The following NDFIP2 variants were observed in gnomAD, a reference collection of about 807,000 sequenced individuals.
The protein encoded by NDFIP2 is NEDD4 family-interacting protein 2.
In NDFIP2, 19 loss-of-function variants were observed where a neutral mutation model predicts 36.0. The ratio of observed to expected loss-of-function variants is 0.53; its 90% CI spans 0.37 to 0.77. The LOEUF (loss-of-function observed/expected upper bound fraction) is 0.77, where lower values mean the gene tolerates loss of function less well. Ranked by LOEUF, NDFIP2 falls within the 30% of genes least tolerant of loss-of-function variation. The pLI, the probability that NDFIP2 is intolerant of heterozygous loss-of-function variation, is 0.00. For missense variants in NDFIP2, 446 were observed against 435.8 expected (o/e 1.02, Z -0.21); for synonymous variants, 181 against 167.7 (o/e 1.08, Z -0.61).
At chr13:79,488,722 A>T (rs924534192) in intron 1 of NDFIP2, among the ~76,000 whole-genome samples, 1 of 152,196 alleles carries the variant, frequency 6.6e-6, no homozygotes. Context: ...GTGTTGGTTA[A>T]TAAGACAGTT....
chr13:79,554,615 CTCA>C lies in NDFIP2; in HGVS notation c.*2107_*2109del, dbSNP rs1876037607. On this transcript the variant is annotated 3_prime_UTR_variant, in exon 8 of 8. Transcript: ENST00000218652. ...GCATAATTCAATGGTAGCCTTAAAT[CTCA>C]TCATGTAAGCAGGGGAATCAGAATG... is the stretch of plus-strand genomic sequence containing the variant. The C allele has an allele frequency of 6.6e-6, 1 of 151,804 alleles. No homozygotes were observed. Among genetic ancestry groups the C allele is most frequent in the Non-Finnish European group, 1.5e-5 (1 of 67,794 alleles). The allele number at this position is 151,804 out of a possible 1,614,324, so 9.4% of individuals were successfully genotyped here.
chr13:79,496,711 T>C (rs1393519220), intron 1 of NDFIP2, among the ~76,000 whole-genome samples: 1 of 152,060 alleles, frequency 6.6e-6, no homozygotes, highest in Non-Finnish European at 1.5e-5. Context: ...ACTGTGGCTC[T>C]GTTGTATTAC....
At chr13:79,513,095 C>G (rs566018796) in intron 1 of NDFIP2, among the ~76,000 whole-genome samples, 11 of 152,298 alleles carry the variant, frequency 7.2e-5, no homozygotes, top group African/African-American at 2.6e-4. Context: ...TATCACCTAC[C>G]TTTGACCCAG....
intron 1 of NDFIP2, among the ~76,000 whole-genome samples, chr13:79,512,169 T>G (rs1874103853): frequency 6.6e-6 from 1 of 152,218 alleles, no homozygotes; most frequent in Non-Finnish European, 1.5e-5. Flanking sequence ...TTACTTAATT[T>G]GATTAAGGCA....
intron 1 of NDFIP2, among the ~76,000 whole-genome samples, chr13:79,506,534 C>G (rs1215780550): frequency 6.6e-6 from 1 of 151,994 alleles, no homozygotes; most frequent in African/African-American, 2.4e-5. Flanking sequence ...AGAAAGAAAT[C>G]TTGTTTAAGT....
At chr13:79,532,088 T>TA (rs1309805560) in intron 2 of NDFIP2, among the ~76,000 whole-genome samples, 1 of 152,212 alleles carries the variant, frequency 6.6e-6, no homozygotes, top group African/African-American at 2.4e-5. Flanking sequence ...CCAAAACAAT[T>TA]ACAATAGTGA....
chr13:79,537,582 T>C (rs1875290796), intron 3 of NDFIP2, among the ~76,000 whole-genome samples: 1 of 152,258 alleles, frequency 6.6e-6, no homozygotes, highest in Non-Finnish European at 1.5e-5. Context: ...ATATTGAGTT[T>C]ACCTATGATA....
chr13:79,498,354 A>G (rs970415444), intron 1 of NDFIP2, among the ~76,000 whole-genome samples: 1 of 151,978 alleles, frequency 6.6e-6, no homozygotes, highest in Non-Finnish European at 1.5e-5. Context: ...TGGCATTATA[A>G]TGATCATTAT....
At chr13:79,523,942 T>A (rs1285214830) in intron 2 of NDFIP2, among the ~76,000 whole-genome samples, 1 of 152,202 alleles carries the variant, frequency 6.6e-6, no homozygotes. Flanking sequence ...GTCTCTTTTT[T>A]ATTAACTCAT....
chr13:79,537,352 C>A (rs1875282860), intron 3 of NDFIP2, among the ~76,000 whole-genome samples: 1 of 152,046 alleles, frequency 6.6e-6, no homozygotes, highest in Non-Finnish European at 1.5e-5. Flanking sequence ...TTCAAGTGAT[C>A]CACCCACCTC....
At chr13:79,492,414 T>G (rs936828635) in intron 1 of NDFIP2, among the ~76,000 whole-genome samples, 1 of 151,710 alleles carries the variant, frequency 6.6e-6, no homozygotes, top group African/African-American at 2.4e-5. Context: ...GAGAGTTTTG[T>G]TTTTTTTGAG....
intron 1 of NDFIP2, among the ~76,000 whole-genome samples, chr13:79,497,243 C>T (rs768580697): frequency 2.6e-5 from 4 of 151,954 alleles, no homozygotes; most frequent in Non-Finnish European, 4.4e-5. Context: ...TAGGCCTTTA[C>T]TGGTATCGGT....
At chr13:79,502,935 C>G (rs1015156231) in intron 1 of NDFIP2, among the ~76,000 whole-genome samples, 3 of 147,474 alleles carry the variant, frequency 2.0e-5, no homozygotes, top group African/African-American at 7.5e-5. Context: ...AGAATATACA[C>G]GTGGGTAGGG....
intron 1 of NDFIP2, among the ~76,000 whole-genome samples, chr13:79,484,814 G>A (rs1346741157): frequency 1.3e-5 from 2 of 152,122 alleles, no homozygotes; most frequent in Non-Finnish European, 2.9e-5. Flanking sequence ...ATATTAGATT[G>A]TGCTGTTTGC....
chr13:79,512,442 G>A (rs377123254), intron 1 of NDFIP2, among the ~76,000 whole-genome samples: 2 of 151,926 alleles, frequency 1.3e-5, no homozygotes, highest in South Asian at 2.1e-4. Context: ...TGTGGCACTG[G>A]CTTTTGAGGA....
At chr13:79,543,489 T>C in intron 4 of NDFIP2, 69 bp from the exon 5 acceptor site, 10 of 1,561,786 alleles carry the variant, frequency 6.4e-6, no homozygotes, top group Non-Finnish European at 8.7e-6. Context: ...CATGAAATAT[T>C]ATTAATATGT....
intron 1 of NDFIP2, among the ~76,000 whole-genome samples, chr13:79,506,753 T>A (rs2140750511): frequency 6.6e-6 from 1 of 152,276 alleles, no homozygotes; most frequent in East Asian, 1.9e-4. Flanking sequence ...ATCTTATTCA[T>A]GCTTACATAT....
intron 1 of NDFIP2, among the ~76,000 whole-genome samples, chr13:79,498,342 T>G (rs570209055): frequency 1.3e-5 from 2 of 152,088 alleles, no homozygotes; most frequent in East Asian, 3.9e-4. Flanking sequence ...TTCTAGTGGA[T>G]ATGGCATTAT....
At chr13:79,496,939 G>A (rs7324725) in intron 1 of NDFIP2, among the ~76,000 whole-genome samples, 1,721 of 151,562 alleles carry the variant, frequency 0.011, 35 homozygotes, top group African/African-American at 0.04. Flanking sequence ...AGGTAATTTC[G>A]CTTTGTTTCC....
Sources: allele counts gnomAD v4.1 joint callset (sites outside exome capture counted in the v4.1 genomes callset), GRCh38; gene constraint gnomAD v4.1.1; transcripts MANE v1.5; gene names NCBI Gene and HGNC (gene_info 2026-07-23, HGNC 2026-07-21).